The following RIMS2 variants were observed in gnomAD, a reference collection of about 807,000 sequenced individuals.
RIMS2 encodes regulating synaptic membrane exocytosis protein 2.
A neutral mutation model predicts 174.4 loss-of-function variants in RIMS2; 59 were observed. The observed-to-expected ratio is 0.34, with a 90% CI of 0.27 to 0.42. The LOEUF (loss-of-function observed/expected upper bound fraction) is 0.42. RIMS2 is among the 10% of genes least tolerant of loss of function. The pLI is 1.00. For missense variants in RIMS2, 1,620 were observed against 1,666.3 expected (o/e 0.97, Z 0.48); for synonymous variants, 606 against 572.5 (o/e 1.06, Z -0.84).
At chr8:103,885,873 C>T (rs1010631890) in exon 4 of RIMS2, 4 of 1,612,762 alleles carry the variant, frequency 2.5e-6, no homozygotes, top group Non-Finnish European at 3.4e-6. Context: ...AGTTCTTATG[C>T]ACAAAGGACC....
intron 1 of RIMS2, among the ~76,000 whole-genome samples, chr8:103,645,636 T>C (rs912117504): frequency 9.2e-5 from 14 of 152,140 alleles, no homozygotes; most frequent in Non-Finnish European, 2.9e-5. Flanking sequence ...TAGGAAATTG[T>C]GAGAAACCAA....
chr8:103,785,127 G>A lies in RIMS2; in HGVS notation c.698+18590G>A, dbSNP rs1327799984. 8.4e-5 allele frequency among the ~76,000 whole-genome samples: 12 copies of A among 142,920 alleles called. 1 individual carries two copies. The highest frequency in any genetic ancestry group is 2.9e-4 in the African/African-American group (11 of 37,614). 93.8% of individuals were successfully genotyped at this position (142,920 alleles called of 152,430 possible). A position where few individuals can be genotyped will look rare whatever the true frequency, so the allele number is the denominator to read the frequency against. ...TTTTTGTACATTGATTTTGTATCCT[G>A]AGACTTTGCTGAAGTTGCTTACCAG... On this transcript the variant is annotated intron_variant, in intron 3 of 23. Transcript: ENST00000504942.
At chr8:103,850,357 G>C (rs957344466) in intron 3 of RIMS2, among the ~76,000 whole-genome samples, 1 of 151,840 alleles carries the variant, frequency 6.6e-6, no homozygotes, top group Non-Finnish European at 1.5e-5. Flanking sequence ...TATATACTTG[G>C]TATTGATAAT....
intron 2 of RIMS2, among the ~76,000 whole-genome samples, chr8:103,761,269 G>T (rs1056769780): frequency 6.6e-6 from 1 of 152,206 alleles, no homozygotes; most frequent in African/African-American, 2.4e-5. Flanking sequence ...GTAATGGATT[G>T]TTCTTCACAT....
chr8:104,133,861 A>T (rs2098494894), intron 19 of RIMS2, among the ~76,000 whole-genome samples: 2 of 152,188 alleles, frequency 1.3e-5, no homozygotes. Flanking sequence ...TTACTGAAAT[A>T]AGGAACACTG....
rs140159737 is a variant in RIMS2 at position 103,986,330 on chromosome 8, G to C, written c.2928-2975G>C. 3.2e-3 allele frequency among the ~76,000 whole-genome samples: 481 copies of C among 152,124 alleles called. 2 individuals are homozygous for C. Among genetic ancestry groups the C allele is most frequent in the African/African-American group, 0.011 (442 of 41,530 alleles). Reference sequence around the variant, plus strand: ...TGAAGGATGGAATTAATAAAGATTAGGGAAAAATCAGTGAAACTGAAACAA... The same window carrying C: ...TGAAGGATGGAATTAATAAAGATTACGGAAAAATCAGTGAAACTGAAACAA... On this transcript the variant is annotated intron_variant, in intron 16 of 23. Transcript: ENST00000504942.
chr8:104,098,476 T>C (rs2130811565), intron 19 of RIMS2, among the ~76,000 whole-genome samples: 1 of 152,274 alleles, frequency 6.6e-6, no homozygotes, highest in East Asian at 1.9e-4. Flanking sequence ...AAGCATAGTA[T>C]TGTCAAAAGC....
chr8:104,010,258 C>T (rs1384737346), intron 17 of RIMS2, among the ~76,000 whole-genome samples: 1 of 151,748 alleles, frequency 6.6e-6, no homozygotes, highest in African/African-American at 2.4e-5. Flanking sequence ...CTATGTTGAC[C>T]CAAAAAAATG....
chr8:104,134,710 C>T (rs950605397), intron 19 of RIMS2, among the ~76,000 whole-genome samples: 6 of 152,142 alleles, frequency 3.9e-5, no homozygotes, highest in African/African-American at 1.4e-4. Flanking sequence ...GGATGGTCTA[C>T]CACTGGGGGC....
chr8:103,924,606 C>T (rs1404106195), intron 10 of RIMS2, among the ~76,000 whole-genome samples: 1 of 151,534 alleles, frequency 6.6e-6, no homozygotes, highest in Admixed American at 6.6e-5. Flanking sequence ...TACTTGGGCC[C>T]ATACTTCACT....
chr8:104,215,291 A>T (rs1316531172), intron 19 of RIMS2, among the ~76,000 whole-genome samples: 2 of 152,232 alleles, frequency 1.3e-5, no homozygotes, highest in Admixed American at 1.3e-4. Context: ...TAATGAATAC[A>T]TGAAGCTTGG....
intron 19 of RIMS2, among the ~76,000 whole-genome samples, chr8:104,210,561 C>G (rs1289841436): frequency 6.6e-6 from 1 of 152,162 alleles, no homozygotes; most frequent in Non-Finnish European, 1.5e-5. Context: ...CTCTCCTGAT[C>G]TCTACATACA....
intron 19 of RIMS2, among the ~76,000 whole-genome samples, chr8:104,082,332 A>T (rs541185023): frequency 2.5e-4 from 38 of 152,276 alleles, no homozygotes; most frequent in African/African-American, 8.7e-4. Flanking sequence ...CATGTACATA[A>T]GTAATGATGG....
chr8:103,604,114 G>A (rs909994354), intron 1 of RIMS2, among the ~76,000 whole-genome samples: 5 of 148,680 alleles, frequency 3.4e-5, no homozygotes, highest in Non-Finnish European at 7.5e-5. Flanking sequence ...TTTTCTTCTA[G>A]GGTTTTTCTG....
chr8:104,227,543 A>G (rs2099195985), intron 19 of RIMS2, among the ~76,000 whole-genome samples: 2 of 152,186 alleles, frequency 1.3e-5, no homozygotes, highest in South Asian at 4.1e-4. Context: ...GCAGCCCCAC[A>G]ACTTCTCACC....
intron 1 of RIMS2, among the ~76,000 whole-genome samples, chr8:103,684,211 C>T (rs1163059559): frequency 6.6e-6 from 1 of 152,024 alleles, no homozygotes; most frequent in Non-Finnish European, 1.5e-5. Flanking sequence ...TTCTTGTGCC[C>T]ATCACTCTAC....
intron 1 of RIMS2, among the ~76,000 whole-genome samples, chr8:103,605,567 A>T (rs1407601455): frequency 6.6e-6 from 1 of 151,620 alleles, no homozygotes; most frequent in Non-Finnish European, 1.5e-5. Context: ...ATAGTTTCAG[A>T]AGGAATGGTA....
At chr8:103,579,373 G>A (rs973054901) in intron 1 of RIMS2, among the ~76,000 whole-genome samples, 1 of 151,802 alleles carries the variant, frequency 6.6e-6, no homozygotes, top group East Asian at 1.9e-4. Flanking sequence ...AACATCTGAA[G>A]GTATAAAACC....
At chr8:103,987,671 G>A (rs1486268368) in intron 16 of RIMS2, among the ~76,000 whole-genome samples, 1 of 152,148 alleles carries the variant, frequency 6.6e-6, no homozygotes, top group Admixed American at 6.5e-5. Flanking sequence ...AGGATTGAAA[G>A]AGAAGAGATG....
Sources: allele counts gnomAD v4.1 joint callset (sites outside exome capture counted in the v4.1 genomes callset), GRCh38; gene constraint gnomAD v4.1.1; transcripts MANE v1.5; gene names NCBI Gene and HGNC (gene_info 2026-07-23, HGNC 2026-07-21).